PIEZO1: variants seen among roughly 807,000 people sequenced by gnomAD.
PIEZO1 encodes piezo-type mechanosensitive ion channel component 1.
PIEZO1 carries 296 observed loss-of-function variants against 297.2 expected under a neutral mutation model. That is an observed-to-expected ratio of 1.00 (90% CI 0.91 to 1.10). The LOEUF (loss-of-function observed/expected upper bound fraction) is 1.10. Ranked by LOEUF, PIEZO1 falls within the 50% of genes least tolerant of loss-of-function variation. The pLI, the probability that PIEZO1 is intolerant of heterozygous loss-of-function variation, is 0.00. For missense variants in PIEZO1, 5,018 were observed against 3,455.5 expected (o/e 1.45, Z -11.34); for synonymous variants, 2,427 against 1,507.5 (o/e 1.61, Z -14.13).
At chr16:88,763,169 C>T (rs1907007777) in intron 1 of PIEZO1, among the ~76,000 whole-genome samples, 1 of 152,196 alleles carries the variant, frequency 6.6e-6, no homozygotes. Flanking sequence ...CCAATGTCCT[C>T]CGGAGATAGG....
chr16:88,770,444 T>C (rs927142407), intron 1 of PIEZO1, among the ~76,000 whole-genome samples: 3 of 152,158 alleles, frequency 2.0e-5, no homozygotes, highest in Non-Finnish European at 4.4e-5. Context: ...CTGGCCAGGC[T>C]GTAGCGAGGA....
intron 34 of PIEZO1, 64 bp downstream of exon 34, chr16:88,722,773 T>C (rs1250340543): frequency 6.5e-7 from 1 of 1,529,150 alleles, no homozygotes; most frequent in Non-Finnish European, 8.8e-7. Context: ...GGGACTAGGC[T>C]GTTAAGCAGG....
intron 10 of PIEZO1, chr16:88,737,335 C>T (rs1905288058): frequency 5.8e-6 from 3 of 517,240 alleles, no homozygotes; most frequent in Admixed American, 3.7e-5. Context: ...GGCCACTCAG[C>T]TGCCCTGGGG....
rs916648612 is a variant in PIEZO1, at chr16:88,761,528, G to A, written c.65-12049C>T. On this transcript the variant is annotated intron_variant, in intron 1 of 50. Coordinates refer to ENST00000301015, the MANE Select transcript of PIEZO1 (RefSeq NM_001142864.4). ...CCACACCATGGCAATGGTTGTGCTT[G>A]CGGGGTGGGGGCGGGTGAGCTGGGA... 2.6e-5 allele frequency among the ~76,000 whole-genome samples: 4 copies of A among 152,222 alleles called. No homozygotes were observed. The East Asian group carries it at 7.7e-4, about 29-fold the overall frequency.
chr16:88,724,062 C>T (rs545433764), intron 30 of PIEZO1, 91 bp from the exon 31 acceptor site: 2 of 755,076 alleles, frequency 2.6e-6, no homozygotes, highest in East Asian at 2.7e-5. Context: ...GCCCGAGAGC[C>T]ACCCTTCCCA....
chr16:88,735,483 G>A (rs1444115605), intron 12 of PIEZO1, among the ~76,000 whole-genome samples: 7 of 152,262 alleles, frequency 4.6e-5, no homozygotes, highest in East Asian at 3.8e-4. Flanking sequence ...GCGCTCACAC[G>A]CAGAGTCACA....
chr16:88,722,789 GCGTAGTCAGGCAGAGCAGGGA>G lies in PIEZO1; in HGVS notation c.4668+27_4668+47del. 2.0e-6 allele frequency: 3 copies of G among 1,533,262 alleles called. No individual in the cohort carries two copies. In the East Asian group the frequency reaches 7.4e-5, roughly 38 times the overall value. The allele number at this position is 1,533,262 out of a possible 1,614,324, so 95.0% of individuals were successfully genotyped here. A position where few individuals can be genotyped will look rare whatever the true frequency, so the allele number is the denominator to read the frequency against. ...GGACTAGGCTGTTAAGCAGGCAGGG[GCGTAGTCAGGCAGAGCAGGGA>G]CGAGCGTGGTGCACGGGCAGGCTCA... is the stretch of plus-strand genomic sequence containing the variant. On this transcript the variant is annotated intron_variant, in intron 34 of 50. Transcript: ENST00000301015.
At position 88,717,149 on chromosome 16, in the gene PIEZO1, G is replaced by C. The variant is rs1162506042; in HGVS notation, c.6534C>G (p.Leu2178=). 6.4e-7 allele frequency: 1 copy of C among 1,551,300 alleles called. No homozygotes were observed. Among genetic ancestry groups the C allele is most frequent in the Admixed American group, 2.0e-5 (1 of 51,016 alleles). Residue 2178 remains leucine, a synonymous_variant, in exon 45 of 51, where the codon CTC becomes CTG. Transcript: ENST00000301015. ...TGATGGCGATGAGGAAGAGGATGAT[G>C]AGGCCACCCATGCCGTACTTGACGA... ...KKIVKYGMGG[L]IILFLIAIIW...
At chr16:88,742,022 T>G (rs1567678783) in intron 4 of PIEZO1, 31 bp downstream of exon 4, 6 of 1,534,440 alleles carry the variant, frequency 3.9e-6, no homozygotes, top group Non-Finnish European at 5.2e-6. Flanking sequence ...AAGGGAGGCT[T>G]GCTGGTTGGG....
rs2142768574 is a variant in PIEZO1, at chr16:88,722,403, G to A, written c.4776-6C>T. 2 of 1,487,696 alleles carry A rather than the reference G, an allele frequency of 1.3e-6. No homozygotes were observed. The highest frequency in any genetic ancestry group is 1.3e-5 in the South Asian group (1 of 74,894). The allele number at this position is 1,487,696 out of a possible 1,614,324, so 92.2% of individuals were successfully genotyped here. A position where few individuals can be genotyped will look rare whatever the true frequency, so the allele number is the denominator to read the frequency against. ...GCTCCTCCGCGCCCAGCCCACTGGG[G>A]AGGGAAGCCGAGTCACAGAGAATCC... On this transcript the variant is annotated splice_region_variant and splice_polypyrimidine_tract_variant and intron_variant, in intron 35 of 50. Coordinates refer to ENST00000301015, the MANE Select transcript of PIEZO1 (RefSeq NM_001142864.4).
rs370296725 is a variant in PIEZO1, at chr16:88,717,172, C to A, written c.6511G>T (p.Val2171Phe). 3.3e-5 allele frequency: 51 copies of A among 1,550,544 alleles called. No homozygotes were observed. Among genetic ancestry groups the A allele is most frequent in the Non-Finnish European group, 4.4e-5 (50 of 1,147,080 alleles). The change falls in exon 45 of 51, where the codon GTC becomes TTC. Residue 2171 changes from valine (V) to phenylalanine (F), a missense_variant. Transcript: ENST00000301015. ...ATGAGGCCACCCATGCCGTACTTGA[C>A]GATCTTCTTCTTCTTCTGCCCTTTG... The part of the protein sequence containing the change: ...QPKGQKKKKI[V>F]KYGMGGLIIL...
chr16:88,716,951 T>C, intron 45 of PIEZO1, 53 bp from the exon 46 acceptor site: 1 of 1,546,218 alleles, frequency 6.5e-7, no homozygotes, highest in East Asian at 2.4e-5. Context: ...GAGGAGCGGC[T>C]GGGGGTGGTG....
chr16:88,742,438 T>C lies in PIEZO1; in HGVS notation c.161-16A>G, dbSNP rs1475436512. On this transcript the variant is annotated splice_polypyrimidine_tract_variant and intron_variant, in intron 2 of 50. Transcript: ENST00000301015. ...CCTGTGTGACCTGCGGCAGAGCGAG[T>C]GGGTGAGGCTGGTCCCGGGGACGGG... is the stretch of plus-strand genomic sequence containing the variant. 1 of 1,533,216 alleles carries C rather than the reference T, an allele frequency of 6.5e-7. No individual in the cohort carries two copies. The highest frequency in any genetic ancestry group is 8.7e-7 in the Non-Finnish European group (1 of 1,146,182). The allele number at this position is 1,533,216 out of a possible 1,614,324, so 95.0% of individuals were successfully genotyped here.
At chr16:88,725,851 G>T in intron 27 of PIEZO1, 167 bp from the exon 28 acceptor site, 1 of 611,886 alleles carries the variant, frequency 1.6e-6, no homozygotes, top group Non-Finnish European at 3.0e-6. Context: ...CCTCCGTGCT[G>T]TCTGCGGCGA....
intron 10 of PIEZO1, 74 bp from the exon 11 acceptor site, chr16:88,736,813 C>G: frequency 1.1e-6 from 1 of 926,150 alleles, no homozygotes; most frequent in East Asian, 2.8e-5. Context: ...GCCCTAAAAT[C>G]TGGGCCCTGG....
chr16:88,736,437 C>T (rs940788830), intron 11 of PIEZO1, 29 bp from the exon 12 acceptor site: 1 of 1,515,708 alleles, frequency 6.6e-7, no homozygotes, highest in African/African-American at 1.4e-5. Flanking sequence ...TGCACAGCTG[C>T]CCAGCGCACC....
Position 88,719,957 on chromosome 16 carries a change from C to T in PIEZO1, c.6168G>A (p.Met2056Ile). ...GCTGGGCCACCACATTCTGGTTGAACATCCTGGGGCGGGATGGCCAGGTCA... is the reference window on the plus strand; with the variant it reads ...GCTGGGCCACCACATTCTGGTTGAATATCCTGGGGCGGGATGGCCAGGTCA... ...FFILPAVTERMFNQNVVAQLW... is the reference protein window; with the variant it reads ...FFILPAVTERIFNQNVVAQLW... The change falls in exon 43 of 51, where the codon ATG becomes ATA. Residue 2056 changes from methionine to isoleucine, a missense_variant. Transcript: ENST00000301015. 1 of 1,550,264 alleles carries T rather than the reference C, an allele frequency of 6.5e-7. No individual in the cohort carries two copies. The highest frequency in any genetic ancestry group is 8.7e-7 in the Non-Finnish European group (1 of 1,146,912).
intron 1 of PIEZO1, among the ~76,000 whole-genome samples, chr16:88,756,638 G>C (rs891438513): frequency 2.0e-5 from 3 of 152,082 alleles, no homozygotes; most frequent in East Asian, 3.9e-4. Flanking sequence ...TGTGGTGGTG[G>C]GTGCCTGTAG....
chr16:88,730,345 A>ATT lies in PIEZO1; in HGVS notation c.3196+1360_3196+1361insAA, dbSNP rs1458614473. On this transcript the variant is annotated intron_variant, in intron 22 of 50. Coordinates refer to ENST00000301015, the MANE Select transcript of PIEZO1 (RefSeq NM_001142864.4). Reference sequence around the variant, plus strand: ...GGCAGCTCACGCCTGTAATCCCAGGAGGGAGGCCTGTAATTTGGGAGGCGG... The same window carrying ATT: ...GGCAGCTCACGCCTGTAATCCCAGGATTGGGAGGCCTGTAATTTGGGAGGCGG... 3.2e-4 allele frequency among the ~76,000 whole-genome samples: 37 copies of ATT among 116,872 alleles called. No individual in the cohort carries two copies. The East Asian group carries it at 7.1e-3, about 23-fold the overall frequency. The allele number at this position is 116,872 out of a possible 152,430, so 76.7% of individuals were successfully genotyped here.
Sources: gnomAD v4.1 joint callset for allele counts (sites outside exome capture counted in the v4.1 genomes callset) on GRCh38, gnomAD v4.1.1 for gene constraint, MANE v1.5 for transcripts, NCBI Gene and HGNC (gene_info 2026-07-23, HGNC 2026-07-21) for gene names.